SYN3: variants seen among roughly 807,000 people sequenced by gnomAD.
The protein encoded by SYN3 is synapsin-3.
SYN3 carries 35 observed loss-of-function variants against 65.8 expected under a neutral mutation model. The ratio of observed to expected loss-of-function variants is 0.53; its 90% CI spans 0.41 to 0.70. SYN3 has a LOEUF of 0.70. Ranked by LOEUF, SYN3 falls within the 30% of genes least tolerant of loss-of-function variation. The pLI is 0.00. For synonymous variants in SYN3, 270 were observed against 292.9 expected, an observed-to-expected ratio of 0.92 and a Z score of 0.80; for missense variants, 680 against 749.0, an observed-to-expected ratio of 0.91 and a Z score of 1.08.
intron 6 of SYN3, among the ~76,000 whole-genome samples, chr22:32,756,218 A>C (rs1217740073): frequency 6.6e-6 from 1 of 152,092 alleles, no homozygotes; most frequent in Non-Finnish European, 1.5e-5. Context: ...TTAAAGTTCA[A>C]TTAAAAAAAA....
At chr22:32,922,464 G>T (rs1475068843) in intron 4 of SYN3, among the ~76,000 whole-genome samples, 1 of 152,196 alleles carries the variant, frequency 6.6e-6, no homozygotes, top group African/African-American at 2.4e-5. Context: ...AAAAGTGTTT[G>T]CTAAATAAAT....
chr22:32,687,915 C>A (rs2060612881), intron 6 of SYN3, among the ~76,000 whole-genome samples: 1 of 149,000 alleles, frequency 6.7e-6, no homozygotes, highest in Non-Finnish European at 1.5e-5. Flanking sequence ...ATGTCACCAT[C>A]CCAGGTCAGG....
intron 2 of SYN3, among the ~76,000 whole-genome samples, chr22:32,990,309 C>G (rs953608675): frequency 1.0e-4 from 10 of 96,012 alleles, no homozygotes; most frequent in African/African-American, 4.0e-4. Flanking sequence ...TGAATCCATC[C>G]ATCCATCCAT....
At chr22:33,035,995 T>C (rs1338040588) in intron 1 of SYN3, among the ~76,000 whole-genome samples, 3 of 152,174 alleles carry the variant, frequency 2.0e-5, no homozygotes, top group Admixed American at 2.0e-4. Context: ...GAGACATCCA[T>C]AACTGACTCT....
intron 7 of SYN3, among the ~76,000 whole-genome samples, chr22:32,547,916 A>G (rs750290358): frequency 1.3e-5 from 2 of 152,158 alleles, no homozygotes; most frequent in African/African-American, 2.4e-5. Context: ...ACCAGGAATG[A>G]ATGAATGGCC....
At chr22:32,696,788 G>A (rs1464110094) in intron 6 of SYN3, among the ~76,000 whole-genome samples, 1 of 152,170 alleles carries the variant, frequency 6.6e-6, no homozygotes, top group Non-Finnish European at 1.5e-5. Context: ...GGAGAAAGGA[G>A]GAATTGTCAG....
intron 4 of SYN3, among the ~76,000 whole-genome samples, chr22:32,911,084 G>C (rs533823781): frequency 7.9e-5 from 12 of 152,320 alleles, no homozygotes. Context: ...TTTGCACGAG[G>C]AGTTCCAAGT....
intron 7 of SYN3, among the ~76,000 whole-genome samples, chr22:32,594,321 T>C (rs1236272538): frequency 6.6e-6 from 1 of 152,082 alleles, no homozygotes; most frequent in Non-Finnish European, 1.5e-5. Flanking sequence ...TCTAGAGAGA[T>C]ATACTCTGAA....
chr22:32,829,362 C>T (rs918108348), intron 6 of SYN3, among the ~76,000 whole-genome samples: 16 of 152,232 alleles, frequency 1.1e-4, no homozygotes, highest in Admixed American at 6.5e-4. Flanking sequence ...CGGAGCAAGG[C>T]AACATGTCCC....
intron 7 of SYN3, among the ~76,000 whole-genome samples, chr22:32,544,909 C>T (rs1054308050): frequency 1.3e-5 from 2 of 152,214 alleles, no homozygotes; most frequent in East Asian, 1.9e-4. Context: ...TAGCTGTCCA[C>T]AGCATCATTT....
chr22:32,779,765 A>G (rs149353019), intron 6 of SYN3, among the ~76,000 whole-genome samples: 7 of 152,134 alleles, frequency 4.6e-5, no homozygotes, highest in Non-Finnish European at 7.4e-5. Context: ...GACCTTACGT[A>G]CTTTGCAGGT....
chr22:32,947,680 A>T (rs2051154776), intron 3 of SYN3: 2 of 152,230 alleles, frequency 1.3e-5, no homozygotes, highest in South Asian at 4.1e-4. Flanking sequence ...TTGCTGGGAG[A>T]CCAGTTCATG....
intron 1 of SYN3, among the ~76,000 whole-genome samples, chr22:33,024,947 C>T (rs1052007457): frequency 6.6e-6 from 1 of 152,126 alleles, no homozygotes; most frequent in African/African-American, 2.4e-5. Context: ...GCGTGAAGGA[C>T]GTGAAAGTGA....
rs181294604 is a variant in SYN3 at position 33,017,582 on chromosome 22, C to T, written c.-162-10758G>A. On this transcript the variant is annotated intron_variant, in intron 1 of 13. Transcript: ENST00000358763. ...TATAGTTTCCAGTAAGAAGGTCTTT[C>T]ACCTCCTTGGTTAAATTTACTCCTA... 8.1e-4 allele frequency among the ~76,000 whole-genome samples: 123 copies of T among 152,294 alleles called. 1 individual carries two copies. Among genetic ancestry groups the T allele is most frequent in the Middle Eastern group, 3.4e-3 (1 of 294 alleles).
At chr22:32,701,137 C>T (rs1282484584) in intron 6 of SYN3, among the ~76,000 whole-genome samples, 1 of 152,192 alleles carries the variant, frequency 6.6e-6, no homozygotes, top group Admixed American at 6.5e-5. Flanking sequence ...TGTTTCTAAT[C>T]TGTTCTCTGC....
At chr22:32,593,666 G>A (rs2059157698) in intron 7 of SYN3, among the ~76,000 whole-genome samples, 1 of 152,136 alleles carries the variant, frequency 6.6e-6, no homozygotes, top group Non-Finnish European at 1.5e-5. Context: ...GGTCTGGGAT[G>A]TTTAGGCTCT....
chr22:32,596,309 A>G (rs1327892758), intron 7 of SYN3, among the ~76,000 whole-genome samples: 2 of 152,208 alleles, frequency 1.3e-5, no homozygotes, highest in African/African-American at 4.8e-5. Context: ...ACTAATAAAG[A>G]GATGAGTAAG....
chr22:32,804,505 GT>G (rs2046673609), intron 6 of SYN3, among the ~76,000 whole-genome samples: 1 of 152,202 alleles, frequency 6.6e-6, no homozygotes, highest in Admixed American at 6.5e-5. Flanking sequence ...TCAACTTCCT[GT>G]TTTAAAACCA....
chr22:33,025,549 G>A (rs1396196645), intron 1 of SYN3, among the ~76,000 whole-genome samples: 10 of 151,390 alleles, frequency 6.6e-5, no homozygotes, highest in Non-Finnish European at 1.2e-4. Flanking sequence ...CAGGAGAATC[G>A]CTTGAACCTG....
Sources: allele counts gnomAD v4.1 joint callset (sites outside exome capture counted in the v4.1 genomes callset), GRCh38; gene constraint gnomAD v4.1.1; transcripts MANE v1.5; gene names NCBI Gene and HGNC (gene_info 2026-07-23, HGNC 2026-07-21).